Variants in RORA observed in about 807,000 individuals in gnomAD.
The protein encoded by RORA is nuclear receptor ROR-alpha.
RORA carries 7 observed loss-of-function variants against 69.5 expected under a neutral mutation model. The observed-to-expected ratio is 0.10, with a 90% CI of 0.06 to 0.19. RORA has a LOEUF of 0.19. Ranked by LOEUF, RORA falls within the 10% of genes least tolerant of loss-of-function variation. The pLI, the probability that RORA is intolerant of heterozygous loss-of-function variation, is 1.00. For missense variants in RORA, 457 were observed against 663.0 expected, an observed-to-expected ratio of 0.69 and a Z score of 3.41; for synonymous variants, 261 against 240.8, an observed-to-expected ratio of 1.08 and a Z score of -0.78.
rs138707367 is a variant in RORA, at chr15:60,840,270, T to A, written c.167-161584A>T. On this transcript the variant is annotated intron_variant, in intron 1 of 10. Transcript: ENST00000335670. Reference sequence around the variant, plus strand: ...TCATCAGAGGGAAAGGAAGGATGCCTATTCCTCTGGTGCCTGGTCCTCTCA... The same window carrying A: ...TCATCAGAGGGAAAGGAAGGATGCCAATTCCTCTGGTGCCTGGTCCTCTCA... Among the ~76,000 whole-genome samples the A allele has an allele frequency of 4.1e-3, 619 of 152,362 alleles. 4 individuals are homozygous for A. Among genetic ancestry groups the A allele is most frequent in the African/African-American group, 0.014 (588 of 41,584 alleles).
At chr15:60,791,478 T>C (rs1316139467) in intron 1 of RORA, among the ~76,000 whole-genome samples, 2 of 152,142 alleles carry the variant, frequency 1.3e-5, no homozygotes, top group Admixed American at 1.3e-4. Flanking sequence ...CCAAGTAAAA[T>C]TTATGAATTT....
chr15:61,223,356 A>G (rs1056459886), intron 1 of RORA, among the ~76,000 whole-genome samples: 11 of 151,644 alleles, frequency 7.3e-5, no homozygotes, highest in African/African-American at 2.7e-4. Flanking sequence ...ATCCTCTTTA[A>G]CTCCAAAGAA....
intron 1 of RORA, among the ~76,000 whole-genome samples, chr15:60,850,988 C>CGG (rs2073317916): frequency 6.6e-6 from 1 of 152,116 alleles, no homozygotes; most frequent in African/African-American, 2.4e-5. Context: ...CACAAAGCAC[C>CGG]GGAGCACATT....
chr15:60,999,595 T>C (rs950231149), intron 1 of RORA, among the ~76,000 whole-genome samples: 2 of 152,288 alleles, frequency 1.3e-5, no homozygotes, highest in African/African-American at 4.8e-5. Flanking sequence ...CTCCCACACA[T>C]GTGCCCAAGC....
At chr15:60,883,128 CT>C (rs535039934) in intron 1 of RORA, among the ~76,000 whole-genome samples, 2 of 9,338 alleles carry the variant, frequency 2.1e-4, no homozygotes, top group Admixed American at 1.6e-3. Flanking sequence ...GAGACATCGT[CT>C]CAAAAAAAAA....
chr15:60,687,457 T>C (rs369822405), intron 1 of RORA, among the ~76,000 whole-genome samples: 1 of 152,204 alleles, frequency 6.6e-6, no homozygotes, highest in South Asian at 2.1e-4. Context: ...GGATTGGTGA[T>C]TGCTGGATAA....
intron 2 of RORA, chr15:60,630,365 A>G (rs2069707110): frequency 6.6e-6 from 1 of 152,238 alleles, no homozygotes; most frequent in African/African-American, 2.4e-5. Flanking sequence ...AGTAACAGAA[A>G]GAGTGGTGTG....
Position 60,929,392 on chromosome 15 carries a change from A to G in RORA, c.167-250706T>C, listed in dbSNP as rs570488638. ...TCACTGGCTGGTCTTTGTTGAGAGG[A>G]AGGCAGCGGGAAATAAATTTATGTT... On this transcript the variant is annotated intron_variant, in intron 1 of 10. Coordinates refer to ENST00000335670, the MANE Select transcript of RORA (RefSeq NM_134261.3). 3.3e-5 allele frequency among the ~76,000 whole-genome samples: 5 copies of G among 152,316 alleles called. 1 individual carries two copies. The highest frequency in any genetic ancestry group is 1.2e-4 in the African/African-American group (5 of 41,570).
At chr15:60,867,893 C>T (rs1293121291) in intron 1 of RORA, among the ~76,000 whole-genome samples, 1 of 152,102 alleles carries the variant, frequency 6.6e-6, no homozygotes, top group African/African-American at 2.4e-5. Flanking sequence ...TTGATGCACT[C>T]TTTCTTGTTC....
intron 1 of RORA, among the ~76,000 whole-genome samples, chr15:60,824,560 A>G (rs1403945277): frequency 6.6e-6 from 1 of 152,206 alleles, no homozygotes; most frequent in African/African-American, 2.4e-5. Context: ...ATTAAATCAG[A>G]CTAGCTGGAT....
At position 60,745,768 on chromosome 15, in the gene RORA, AT is replaced by A. The variant is rs1465765584; in HGVS notation, c.167-67083del. Among the ~76,000 whole-genome samples the A allele has an allele frequency of 2.0e-5, 3 of 152,226 alleles. No homozygotes were observed. In the East Asian group the frequency reaches 5.8e-4, roughly 29 times the overall value. Reference sequence around the variant, plus strand: ...ACAGGTCAGTGTGTTCACCTGCTTCATTTTTTTCCCTCCTGCACAAGGACAG... The same window carrying A: ...ACAGGTCAGTGTGTTCACCTGCTTCATTTTTTCCCTCCTGCACAAGGACAG... On this transcript the variant is annotated intron_variant, in intron 1 of 10. Coordinates refer to ENST00000335670, the MANE Select transcript of RORA (RefSeq NM_134261.3).
chr15:61,016,325 T>C (rs542392599), intron 1 of RORA, among the ~76,000 whole-genome samples: 1 of 152,296 alleles, frequency 6.6e-6, no homozygotes, highest in South Asian at 2.1e-4. Context: ...ATATTATGGT[T>C]GCCGTCATCA....
rs953208512 is a variant in RORA, at chr15:60,490,583, CTTAAG to C, written c.*6867_*6871del. 1 of 152,010 alleles carries C rather than the reference CTTAAG, an allele frequency of 6.6e-6. No individual in the cohort carries two copies. The highest frequency in any genetic ancestry group is 2.4e-5 in the African/African-American group (1 of 41,394). The allele number at this position is 152,010 out of a possible 1,614,324, so 9.4% of individuals were successfully genotyped here. A position where few individuals can be genotyped will look rare whatever the true frequency, so the allele number is the denominator to read the frequency against. On this transcript the variant is annotated 3_prime_UTR_variant, in exon 11 of 11. Transcript: ENST00000335670. This position sits in a 1 kb window ranked among gnomAD's most constrained non-coding sequence, Gnocchi z 4.1. ...AAATGTTTACAGGCCGTTACAAGTT[CTTAAG>C]TTAATAGTAAATAAGGAATCGATTG...
intron 1 of RORA, among the ~76,000 whole-genome samples, chr15:60,891,188 T>C (rs778548202): frequency 1.3e-5 from 2 of 152,216 alleles, no homozygotes; most frequent in Non-Finnish European, 2.9e-5. Flanking sequence ...ATTTTTCTTT[T>C]TGTAACTGGC....
intron 1 of RORA, among the ~76,000 whole-genome samples, chr15:61,013,757 C>T (rs1463474016): frequency 7.0e-6 from 1 of 143,194 alleles, no homozygotes; most frequent in Non-Finnish European, 1.5e-5. Context: ...GTCTCAGTTA[C>T]TATAGCCAAG....
chr15:61,063,287 T>C (rs972985787), intron 1 of RORA, among the ~76,000 whole-genome samples: 1 of 152,102 alleles, frequency 6.6e-6, no homozygotes, highest in Admixed American at 6.5e-5. Flanking sequence ...TCTTATTTTA[T>C]AAAAAGCAAG....
chr15:60,799,004 A>G (rs2072541704), intron 1 of RORA, among the ~76,000 whole-genome samples: 1 of 151,318 alleles, frequency 6.6e-6, no homozygotes, highest in African/African-American at 2.4e-5. Flanking sequence ...GCTCACAATG[A>G]GAACCTTGAG....
At chr15:60,668,479 G>A (rs996370931) in intron 2 of RORA, among the ~76,000 whole-genome samples, 1 of 152,318 alleles carries the variant, frequency 6.6e-6, no homozygotes, top group Admixed American at 6.5e-5. Flanking sequence ...GAATACTCTT[G>A]TGGAGAAACC....
At chr15:60,898,540 TA>T (rs1891296463) in intron 1 of RORA, among the ~76,000 whole-genome samples, 2 of 149,236 alleles carry the variant, frequency 1.3e-5, no homozygotes, top group Non-Finnish European at 3.0e-5. Flanking sequence ...AATAAATAAA[TA>T]AATTTAAATT....
Sources: allele counts gnomAD v4.1 joint callset (sites outside exome capture counted in the v4.1 genomes callset), GRCh38; gene constraint gnomAD v4.1.1; non-coding constraint Gnocchi (gnomAD v3.1); transcripts MANE v1.5; gene names NCBI Gene and HGNC (gene_info 2026-07-23, HGNC 2026-07-21).